Variants in RPS6KC1 observed in about 807,000 individuals in gnomAD.
RPS6KC1 encodes ribosomal protein S6 kinase C1.
A neutral mutation model predicts 103.8 loss-of-function variants in RPS6KC1; 54 were observed. The ratio of observed to expected loss-of-function variants is 0.52; its 90% CI spans 0.42 to 0.65. The LOEUF (loss-of-function observed/expected upper bound fraction) is 0.65, where lower values mean the gene tolerates loss of function less well. RPS6KC1 is among the 30% of genes least tolerant of loss of function. RPS6KC1 has a pLI of 0.00. For synonymous variants in RPS6KC1, 439 were observed against 438.7 expected (o/e 1.00, Z -0.01); for missense variants, 1,151 against 1,253.8 (o/e 0.92, Z 1.24).
the RPS6KC1 span, among the ~76,000 whole-genome samples, chr1:213,726,536 T>A: frequency 1.3e-5 from 2 of 152,234 alleles, no homozygotes; most frequent in Non-Finnish European, 2.9e-5. Context: ...AATTCTGCAA[T>A]CTATGTCTCA....
At chr1:213,402,241 T>A in the RPS6KC1 span, among the ~76,000 whole-genome samples, 1 of 152,144 alleles carries the variant, frequency 6.6e-6, no homozygotes, top group Admixed American at 6.5e-5. Context: ...GCAGCCTCAA[T>A]GTGCTGACAG....
At chr1:213,613,419 C>T in the RPS6KC1 span, among the ~76,000 whole-genome samples, 5 of 152,216 alleles carry the variant, frequency 3.3e-5, no homozygotes, top group African/African-American at 1.2e-4. Flanking sequence ...AGTGTGCAAG[C>T]TCCAGTTAAC....
intron 5 of RPS6KC1, among the ~76,000 whole-genome samples, chr1:213,128,836 C>T (rs572017106): frequency 4.6e-5 from 7 of 152,198 alleles, no homozygotes; most frequent in Non-Finnish European, 7.4e-5. Flanking sequence ...ACTTCTGTCC[C>T]GAGCATTTCA....
At chr1:213,125,292 TAA>T (rs1034588589) in intron 5 of RPS6KC1, among the ~76,000 whole-genome samples, 3 of 152,138 alleles carry the variant, frequency 2.0e-5, no homozygotes, top group Non-Finnish European at 2.9e-5. Flanking sequence ...TTGCATAATA[TAA>T]GACACTTTAG....
intron 3 of RPS6KC1, among the ~76,000 whole-genome samples, chr1:213,082,216 C>T (rs999021226): frequency 5.3e-5 from 8 of 151,614 alleles, no homozygotes; most frequent in African/African-American, 9.7e-5. Context: ...GTCAGGAAAT[C>T]GAAACCATCC....
At chr1:213,210,928 G>T (rs1401633259) in intron 8 of RPS6KC1, among the ~76,000 whole-genome samples, 5 of 152,164 alleles carry the variant, frequency 3.3e-5, no homozygotes, top group African/African-American at 9.7e-5. Context: ...ACTACATACT[G>T]CCCTGATTCT....
the RPS6KC1 span, among the ~76,000 whole-genome samples, chr1:213,443,130 G>T: frequency 6.6e-6 from 1 of 152,102 alleles, no homozygotes; most frequent in East Asian, 1.9e-4. Flanking sequence ...AAGCAATTTG[G>T]CAGAGTAGGA....
the RPS6KC1 span, among the ~76,000 whole-genome samples, chr1:213,724,679 C>A: frequency 6.6e-6 from 1 of 152,074 alleles, no homozygotes; most frequent in Non-Finnish European, 1.5e-5. Flanking sequence ...GTGGGAAGAT[C>A]ACTTGAGGCC....
the RPS6KC1 span, among the ~76,000 whole-genome samples, chr1:213,743,798 T>C: frequency 6.6e-6 from 1 of 152,210 alleles, no homozygotes; most frequent in African/African-American, 2.4e-5. Context: ...TGAGAAGTGA[T>C]GGACACAGTT....
the RPS6KC1 span, among the ~76,000 whole-genome samples, chr1:213,854,576 CTCTT>C: frequency 3.7e-3 from 507 of 138,202 alleles, 5 homozygotes; most frequent in African/African-American, 0.013. Flanking sequence ...CTCTCTCTCT[CTCTT>C]TCTTTCTTTC....
chr1:213,248,159 G>A (rs1161632432), intron 12 of RPS6KC1, among the ~76,000 whole-genome samples: 1 of 152,012 alleles, frequency 6.6e-6, no homozygotes. Flanking sequence ...AAATATAGAT[G>A]TATATTTCAA....
At chr1:213,437,090 G>A in the RPS6KC1 span, among the ~76,000 whole-genome samples, 1 of 152,178 alleles carries the variant, frequency 6.6e-6, no homozygotes, top group South Asian at 2.1e-4. Context: ...TGATCTCAGA[G>A]TAAAAACCTT....
intron 6 of RPS6KC1, among the ~76,000 whole-genome samples, chr1:213,161,066 G>C (rs375333479): frequency 1.3e-5 from 2 of 152,126 alleles, no homozygotes; most frequent in African/African-American, 4.8e-5. Flanking sequence ...TTTTATTGAA[G>C]GTCTTCTACA....
At chr1:213,353,219 C>T in the RPS6KC1 span, among the ~76,000 whole-genome samples, 3 of 152,218 alleles carry the variant, frequency 2.0e-5, no homozygotes, top group Admixed American at 2.0e-4. Flanking sequence ...GTTCAGTATC[C>T]ATTGAATATC....
chr1:213,375,052 C>T, the RPS6KC1 span, among the ~76,000 whole-genome samples: 13 of 151,542 alleles, frequency 8.6e-5, no homozygotes, highest in African/African-American at 2.2e-4. Flanking sequence ...TACATACACA[C>T]GTACACACAT....
the RPS6KC1 span, among the ~76,000 whole-genome samples, chr1:213,684,052 A>G: frequency 6.6e-6 from 1 of 152,168 alleles, no homozygotes; most frequent in Non-Finnish European, 1.5e-5. Context: ...TAGATTTTGC[A>G]TGCATTGCCC....
chr1:213,474,343 G>GAGACTTAGACTGAGGGT, the RPS6KC1 span, among the ~76,000 whole-genome samples: 449 of 152,238 alleles, frequency 2.9e-3, 10 homozygotes, highest in East Asian at 0.056. Context: ...TCTAAGTCCT[G>GAGACTTAGACTGAGGGT]GTTTCTGAGG....
intron 12 of RPS6KC1, among the ~76,000 whole-genome samples, chr1:213,247,941 A>C (rs2094480258): frequency 6.6e-6 from 1 of 152,196 alleles, no homozygotes; most frequent in South Asian, 2.1e-4. Context: ...TGTAGAAATA[A>C]GGGATTTATG....
At chr1:213,436,075 GAAAAAC>G in the RPS6KC1 span, among the ~76,000 whole-genome samples, 1 of 152,192 alleles carries the variant, frequency 6.6e-6, no homozygotes. Context: ...ATTGTGTTTA[GAAAAAC>G]ATTGCTTTGT....
Sources: gnomAD v4.1 joint callset for allele counts (sites outside exome capture counted in the v4.1 genomes callset) on GRCh38, gnomAD v4.1.1 for gene constraint, MANE v1.5 for transcripts, NCBI Gene and HGNC (gene_info 2026-07-23, HGNC 2026-07-21) for gene names.